Variants in TPTE observed in about 807,000 individuals in gnomAD.
TPTE encodes transmembrane phosphatase with tensin homology, also known as putative tyrosine-protein phosphatase TPTE.
Under a neutral mutation model 84.1 loss-of-function variants are expected in TPTE, and 59 were observed. That is an observed-to-expected ratio of 0.70 (90% CI 0.57 to 0.87). The LOEUF (loss-of-function observed/expected upper bound fraction) is 0.87, where lower values mean the gene tolerates loss of function less well. Among genes scored for constraint, TPTE ranks in the 40% least tolerant of loss-of-function variants. The probability of loss-of-function intolerance (pLI) is 0.00; values close to 1 mark genes in which losing one functional copy is unlikely to be tolerated. For synonymous variants in TPTE, 130 were observed against 223.5 expected (o/e 0.58, Z 3.73); for missense variants, 382 against 659.6 (o/e 0.58, Z 4.61).
chr21:10,559,902 A>AATAT lies in TPTE; in HGVS notation c.284+361_284+364dup, dbSNP rs1293829055. ...AAAAAAAAAAAAAAAAAGAAAAGAAAATATATGAGTCTCATATATATCTAT... is the reference window on the plus strand; with the variant it reads ...AAAAAAAAAAAAAAAAAGAAAAGAAAATATATATATGAGTCTCATATATATCTAT... On this transcript the variant is annotated intron_variant, in intron 9 of 23. Transcript: ENST00000618007. Among the ~76,000 whole-genome samples the AATAT allele has an allele frequency of 1.8e-4, 27 of 152,196 alleles. No individual in the cohort carries two copies. In the South Asian group the frequency reaches 5.2e-3, roughly 29 times the overall value.
chr21:10,557,612 C>G (rs1344740166), intron 8 of TPTE, among the ~76,000 whole-genome samples: 4 of 152,308 alleles, frequency 2.6e-5, no homozygotes, highest in Admixed American at 2.6e-4. Flanking sequence ...GATCCTCCAT[C>G]TACATCAGCC....
intron 23 of TPTE, among the ~76,000 whole-genome samples, chr21:10,605,022 C>A (rs1431787798): frequency 1.3e-5 from 2 of 152,310 alleles, no homozygotes; most frequent in African/African-American, 2.4e-5. Flanking sequence ...AGGTCATTTC[C>A]AAGGTCTGAT....
At chr21:10,551,683 A>G (rs1295947375) in intron 7 of TPTE, among the ~76,000 whole-genome samples, 4 of 152,284 alleles carry the variant, frequency 2.6e-5, no homozygotes, top group Non-Finnish European at 4.4e-5. Flanking sequence ...AATTAAGAAA[A>G]AGGGAAGACC....
intron 2 of TPTE, among the ~76,000 whole-genome samples, chr21:10,526,437 T>C (rs974487043): frequency 6.6e-6 from 1 of 152,308 alleles, no homozygotes; most frequent in Non-Finnish European, 1.5e-5. Flanking sequence ...ATATATTGTT[T>C]CCAAAATGTG....
intron 17 of TPTE, among the ~76,000 whole-genome samples, chr21:10,579,128 C>A (rs868783859): frequency 5.0e-3 from 749 of 151,094 alleles, no homozygotes; most frequent in African/African-American, 0.018. Context: ...ACTGTCTCAG[C>A]AATTTTCAAG....
intron 10 of TPTE, among the ~76,000 whole-genome samples, chr21:10,561,733 G>A (rs1355132130): frequency 1.3e-5 from 2 of 152,308 alleles, no homozygotes; most frequent in African/African-American, 4.8e-5. Flanking sequence ...AAAACACTAG[G>A]TAGACTTTTA....
At chr21:10,566,170 CTAA>C (rs1015125965) in intron 10 of TPTE, among the ~76,000 whole-genome samples, 1 of 152,308 alleles carries the variant, frequency 6.6e-6, no homozygotes, top group Non-Finnish European at 1.5e-5. Context: ...AGGAAAAAAT[CTAA>C]TAATCTAATC....
rs761585045 is a variant in TPTE, at chr21:10,595,986, GAT to G, written c.1178_1179del (p.Tyr393CysfsTer37). 1 of 1,613,654 alleles carries G rather than the reference GAT, an allele frequency of 6.2e-7. No homozygotes were observed. Among genetic ancestry groups the G allele is most frequent in the South Asian group, 1.1e-5 (1 of 91,042 alleles). On this transcript the variant is annotated frameshift_variant, in exon 20 of 24. Transcript: ENST00000618007. LOFTEE classifies it high-confidence loss of function. Reference sequence around the variant, plus strand: ...AAGATTTCTGTTGCTTTTCAGAAGAGATATGTTGCATATTTTGCACAAGTGAA... The same window carrying G: ...AAGATTTCTGTTGCTTTTCAGAAGAGATGTTGCATATTTTGCACAAGTGAA...
At chr21:10,531,262 G>A (rs1337097581) in intron 3 of TPTE, among the ~76,000 whole-genome samples, 1 of 152,300 alleles carries the variant, frequency 6.6e-6, no homozygotes, top group Non-Finnish European at 1.5e-5. Context: ...TTTGGAAGAT[G>A]AATAGATTAA....
At chr21:10,573,566 A>G (rs1394857735) in intron 14 of TPTE, among the ~76,000 whole-genome samples, 1 of 152,310 alleles carries the variant, frequency 6.6e-6, no homozygotes, top group Non-Finnish European at 1.5e-5. Flanking sequence ...AATAGAGAGG[A>G]TGTTGAGTGC....
At chr21:10,562,167 C>T (rs1478704630) in intron 10 of TPTE, among the ~76,000 whole-genome samples, 256 of 152,304 alleles carry the variant, frequency 1.7e-3, no homozygotes, top group African/African-American at 6.0e-3. Context: ...CTGCAAGAAC[C>T]AGAGTTTAGG....
chr21:10,566,883 AGGAGAAT>A (rs2074932110), intron 10 of TPTE, among the ~76,000 whole-genome samples: 2 of 152,266 alleles, frequency 1.3e-5, no homozygotes, highest in South Asian at 4.1e-4. Context: ...AGGCTGAGGC[AGGAGAAT>A]CGCTTGAACC....
rs1425953328 is a variant in TPTE, at chr21:10,567,102, G to C, written c.447-568G>C. On this transcript the variant is annotated intron_variant, in intron 10 of 23. Transcript: ENST00000618007. The stretch of plus-strand genomic sequence containing the variant: ...CATCACATGTTCTCACTTACTATGG[G>C]GCTCTAAAAAAAAAAAAAAAAAATT... Among the ~76,000 whole-genome samples the C allele has an allele frequency of 8.1e-5, 6 of 73,960 alleles. No individual in the cohort carries two copies. The Admixed American group carries it at 1.0e-3, about 13-fold the overall frequency. The allele number at this position is 73,960 out of a possible 152,430, so 48.5% of individuals were successfully genotyped here.
At chr21:10,527,767 T>C (rs1600850739) in intron 3 of TPTE, among the ~76,000 whole-genome samples, 1 of 152,424 alleles carries the variant, frequency 6.6e-6, no homozygotes, top group Non-Finnish European at 1.5e-5. Flanking sequence ...TCCCTCACCC[T>C]TCAGAGCTGG....
chr21:10,526,281 G>A (rs2074077396), intron 2 of TPTE, among the ~76,000 whole-genome samples: 1 of 152,312 alleles, frequency 6.6e-6, no homozygotes, highest in Admixed American at 6.5e-5. Flanking sequence ...GCGATAATTT[G>A]AACTCTGGCA....
chr21:10,540,877 C>T (rs936624313), intron 4 of TPTE: 1 of 670,996 alleles, frequency 1.5e-6, no homozygotes, highest in Non-Finnish European at 2.8e-6. Flanking sequence ...GGTGTAGATA[C>T]CCTTACTTAA....
intron 10 of TPTE, among the ~76,000 whole-genome samples, chr21:10,563,216 T>G (rs1198308062): frequency 6.6e-6 from 1 of 152,302 alleles, no homozygotes; most frequent in Non-Finnish European, 1.5e-5. Context: ...AGCTGAGGGA[T>G]TTTGTCAACA....
chr21:10,565,521 G>A (rs548286495), intron 10 of TPTE, among the ~76,000 whole-genome samples: 3 of 152,426 alleles, frequency 2.0e-5, no homozygotes, highest in African/African-American at 4.8e-5. Flanking sequence ...AAATTTATAT[G>A]GAGCCACAAA....
At chr21:10,562,466 AAG>A (rs1156556506) in intron 10 of TPTE, among the ~76,000 whole-genome samples, 9 of 152,298 alleles carry the variant, frequency 5.9e-5, no homozygotes, top group African/African-American at 1.9e-4. Flanking sequence ...CTTTCAGACA[AAG>A]AAATCAAAAT....
Sources: allele counts gnomAD v4.1 joint callset (sites outside exome capture counted in the v4.1 genomes callset), GRCh38; gene constraint gnomAD v4.1.1; transcripts MANE v1.5; gene names NCBI Gene and HGNC (gene_info 2026-07-23, HGNC 2026-07-21).